Variants in CLPB observed in about 807,000 individuals in gnomAD.
The protein encoded by CLPB is ClpB family mitochondrial disaggregase.
A neutral mutation model predicts 78.4 loss-of-function variants in CLPB; 40 were observed. That is an observed-to-expected ratio of 0.51 (90% CI 0.40 to 0.66). The LOEUF is 0.66. Ranked by LOEUF, CLPB falls within the 30% of genes least tolerant of loss-of-function variation. CLPB has a pLI of 0.00. For synonymous variants in CLPB, 333 were observed against 348.0 expected, an observed-to-expected ratio of 0.96 and a Z score of 0.48; for missense variants, 780 against 886.9, an observed-to-expected ratio of 0.88 and a Z score of 1.53.
intron 6 of CLPB, among the ~76,000 whole-genome samples, chr11:72,326,131 T>C (rs970917135): frequency 6.6e-6 from 1 of 152,166 alleles, no homozygotes; most frequent in African/African-American, 2.4e-5. Context: ...TAGAAAAATA[T>C]GTATTTGAGC....
rs560313307 is a variant in CLPB at position 72,379,315 on chromosome 11, T to C, written c.646+966A>G. Among the ~76,000 whole-genome samples, 149 of 152,282 alleles carry C rather than the reference T, an allele frequency of 9.8e-4. 2 individuals carry two copies. Among genetic ancestry groups the C allele is most frequent in the African/African-American group, 3.2e-3 (134 of 41,558 alleles). ...AAGCAGCCACTGCTCAGCCACCCTA[T>C]TGCTGGCAATGTCAGAGGGATCGCA... On this transcript the variant is annotated intron_variant, in intron 4 of 15. Coordinates refer to ENST00000538039, the MANE Select transcript of CLPB (RefSeq NM_001258392.3).
At chr11:72,306,893 A>G (rs962009219) in intron 9 of CLPB, among the ~76,000 whole-genome samples, 1 of 152,232 alleles carries the variant, frequency 6.6e-6, no homozygotes, top group Non-Finnish European at 1.5e-5. Flanking sequence ...AACACCTGGC[A>G]TGGCACAGAT....
At chr11:72,326,055 T>C (rs1950128479) in intron 6 of CLPB, among the ~76,000 whole-genome samples, 1 of 152,216 alleles carries the variant, frequency 6.6e-6, no homozygotes, top group Non-Finnish European at 1.5e-5. Flanking sequence ...CTTGCTTTCC[T>C]GCAGCTTTAG....
At position 72,430,316 on chromosome 11, in the gene CLPB, T is replaced by C. The variant is rs1158267788; in HGVS notation, c.451A>G (p.Ser151Gly). ...AAGGCCTGGGGTTCAACTCACCTGCTGACTTCTTGCATATTGTTGGCACGG... is the reference window on the plus strand; with the variant it reads ...AAGGCCTGGGGTTCAACTCACCTGCCGACTTCTTGCATATTGTTGGCACGG... ...AARANNMQEV[S>G]RLLSEGADVN... The change falls in exon 2 of 16, where the codon AGC becomes GGC. Residue 151 changes from serine (S) to glycine (G), a missense_variant. Around this residue, in one of 3 missense-constraint regions of CLPB, gnomAD observed 417 missense variants for 414.7 expected, o/e 1.01. Coordinates refer to ENST00000538039, the MANE Select transcript of CLPB (RefSeq NM_001258392.3). 1.2e-6 allele frequency: 2 copies of C among 1,613,216 alleles called. No homozygotes were observed. The highest frequency in any genetic ancestry group is 8.5e-7 in the Non-Finnish European group (1 of 1,179,822).
intron 2 of CLPB, among the ~76,000 whole-genome samples, chr11:72,413,758 G>A (rs1855944399): frequency 6.6e-6 from 1 of 152,038 alleles, no homozygotes; most frequent in Non-Finnish European, 1.5e-5. Flanking sequence ...ATTTTTTGCA[G>A]AGTAAGGCTA....
chr11:72,428,283 C>G (rs75218783), intron 2 of CLPB, among the ~76,000 whole-genome samples: 3 of 152,160 alleles, frequency 2.0e-5, no homozygotes. Flanking sequence ...CAGATCGGCC[C>G]TCAGCCTTTT....
At chr11:72,309,239 G>C (rs886497030) in intron 7 of CLPB, among the ~76,000 whole-genome samples, 2 of 152,170 alleles carry the variant, frequency 1.3e-5, no homozygotes, top group African/African-American at 4.8e-5. Flanking sequence ...TGGAGGGAGT[G>C]GGGAGCACGG....
intron 2 of CLPB, among the ~76,000 whole-genome samples, chr11:72,423,314 C>T (rs974442071): frequency 6.7e-6 from 1 of 150,002 alleles, no homozygotes; most frequent in Non-Finnish European, 1.5e-5. Flanking sequence ...ATCCACATCT[C>T]GGTGAATGGC....
At chr11:72,375,077 A>G (rs1854644121) in intron 4 of CLPB, among the ~76,000 whole-genome samples, 1 of 152,156 alleles carries the variant, frequency 6.6e-6, no homozygotes, top group Non-Finnish European at 1.5e-5. Flanking sequence ...TTCTGCTAAT[A>G]TCTATTTACT....
At chr11:72,410,752 A>T (rs1855851240) in intron 2 of CLPB, 1 of 152,162 alleles carries the variant, frequency 6.6e-6, no homozygotes, top group Non-Finnish European at 1.5e-5. Flanking sequence ...GTCGGGAAAA[A>T]CATATCCTGC....
At chr11:72,367,760 A>C (rs1399512520) in intron 4 of CLPB, among the ~76,000 whole-genome samples, 1 of 152,178 alleles carries the variant, frequency 6.6e-6, no homozygotes, top group Non-Finnish European at 1.5e-5. Context: ...ATCTAAAAGA[A>C]AAGTTGAAAT....
At position 72,434,176 on chromosome 11, in the gene CLPB, C is replaced by G. The variant is rs777039470; in HGVS notation, c.299G>C (p.Gly100Ala). The change falls in exon 1 of 16, where the codon GGA becomes GCA. Residue 100 changes from glycine to alanine, a missense_variant. Gly to Ala is a moderately conservative substitution (Grantham distance 60). Coordinates refer to ENST00000538039, the MANE Select transcript of CLPB (RefSeq NM_001258392.3). ...GGGGACCCCGTTCCAGCTGTCCTGT[C>G]CTGGGAGTGTTTCTTCGGGACCAGG... The part of the protein sequence containing the change: ...RLPGPEETLP[G>A]QDSWNGVPSR... 2.5e-6 allele frequency: 4 copies of G among 1,613,292 alleles called. No individual in the cohort carries two copies. In the Admixed American group the frequency reaches 6.7e-5, roughly 27 times the overall value.
rs1242060815 is a variant in CLPB at position 72,312,786 on chromosome 11, T to A, written c.989-4182A>T. On this transcript the variant is annotated intron_variant, in intron 7 of 15. Coordinates refer to ENST00000538039, the MANE Select transcript of CLPB (RefSeq NM_001258392.3). This position sits in a 1 kb window ranked among gnomAD's most constrained non-coding sequence, Gnocchi z 4.2. Reference sequence around the variant, plus strand: ...AGCTCTGTGCTAGGTGCGGCGGCTCTCACAAAGAGGCCTCAAAAAAGGTGC... The same window carrying A: ...AGCTCTGTGCTAGGTGCGGCGGCTCACACAAAGAGGCCTCAAAAAAGGTGC... 1.3e-5 allele frequency among the ~76,000 whole-genome samples: 2 copies of A among 152,106 alleles called. No homozygotes were observed. The highest frequency in any genetic ancestry group is 2.9e-5 in the Non-Finnish European group (2 of 68,032).
intron 5 of CLPB, chr11:72,355,372 T>C (rs1049630866): frequency 4.6e-5 from 7 of 152,070 alleles, no homozygotes; most frequent in Non-Finnish European, 1.0e-4. Context: ...TAAGAGGCCT[T>C]AAGGTAGGAG....
intron 5 of CLPB, among the ~76,000 whole-genome samples, chr11:72,339,482 T>C (rs1950379318): frequency 6.6e-6 from 1 of 152,164 alleles, no homozygotes; most frequent in African/African-American, 2.4e-5. Flanking sequence ...CATCCGAAAA[T>C]AGAATATGAG....
chr11:72,422,285 A>C (rs989478077), intron 2 of CLPB, among the ~76,000 whole-genome samples: 7 of 151,436 alleles, frequency 4.6e-5, no homozygotes, highest in Admixed American at 3.9e-4. Context: ...AAAAAAAAAA[A>C]AAAAAACTAG....
At chr11:72,315,121 C>A (rs1383612761) in intron 7 of CLPB, among the ~76,000 whole-genome samples, 1 of 151,912 alleles carries the variant, frequency 6.6e-6, no homozygotes, top group Non-Finnish European at 1.5e-5. Flanking sequence ...GGTGTTTGAT[C>A]CTTCATTGGC....
At chr11:72,388,099 G>C (rs993578003) in intron 3 of CLPB, among the ~76,000 whole-genome samples, 10 of 152,170 alleles carry the variant, frequency 6.6e-5, no homozygotes, top group African/African-American at 2.2e-4. Context: ...TGGTCTAGCA[G>C]GGTGGGGAGA....
At position 72,317,124 on chromosome 11, in the gene CLPB, T is replaced by C. The variant is rs1203952551; in HGVS notation, c.970A>G (p.Ile324Val). The C allele has an allele frequency of 3.7e-6, 6 of 1,611,360 alleles. No individual in the cohort carries two copies. The highest frequency in any genetic ancestry group is 3.3e-5 in the Admixed American group (2 of 59,796). The change falls in exon 7 of 16, where the codon ATC (isoleucine) becomes GTC (valine). Residue 324 changes from isoleucine to valine, a missense_variant. Around this residue, in one of 3 missense-constraint regions of CLPB, gnomAD observed 91 missense variants for 168.2 expected, o/e 0.54. Coordinates refer to ENST00000538039, the MANE Select transcript of CLPB (RefSeq NM_001258392.3). ...KEHIIGQESA[I>V]ATVGAAIRRK... is the part of the protein sequence containing the mutation. ...CACTCACCAGCACCCACTGTGGCGA[T>C]GGCGCTCTCCTGGCCAATGATGTGC...
Sources: allele counts gnomAD v4.1 joint callset (sites outside exome capture counted in the v4.1 genomes callset), GRCh38; gene constraint gnomAD v4.1.1; regional missense constraint gnomAD v4.1.1; non-coding constraint Gnocchi (gnomAD v3.1); transcripts MANE v1.5; gene names NCBI Gene and HGNC (gene_info 2026-07-23, HGNC 2026-07-21).